Variants in DIAPH3 observed in about 807,000 individuals in gnomAD.
DIAPH3 encodes diaphanous related formin 3, also known as protein diaphanous homolog 3.
A neutral mutation model predicts 144.3 loss-of-function variants in DIAPH3; 117 were observed. The ratio of observed to expected loss-of-function variants is 0.81; its 90% CI spans 0.70 to 0.95. DIAPH3 has a LOEUF of 0.95. Ranked by LOEUF, DIAPH3 falls within the 40% of genes least tolerant of loss-of-function variation. The probability of loss-of-function intolerance (pLI) is 0.00; values close to 1 mark genes in which losing one functional copy is unlikely to be tolerated. For missense variants in DIAPH3, 1,421 were observed against 1,412.7 expected (o/e 1.01, Z -0.09); for synonymous variants, 519 against 488.9 (o/e 1.06, Z -0.81).
chr13:60,051,960 G>T (rs1468996087), intron 4 of DIAPH3, among the ~76,000 whole-genome samples: 1 of 152,138 alleles, frequency 6.6e-6, no homozygotes, highest in Non-Finnish European at 1.5e-5. Flanking sequence ...CACTGTTAAG[G>T]GCTTGCTTAT....
chr13:59,694,853 G>A (rs545600578), intron 27 of DIAPH3, among the ~76,000 whole-genome samples: 18 of 152,136 alleles, frequency 1.2e-4, no homozygotes, highest in Middle Eastern at 3.2e-3. Flanking sequence ...GTTCAAAAGA[G>A]TGCTGCCAAA....
At chr13:59,971,686 G>C (rs576682847) in intron 15 of DIAPH3, among the ~76,000 whole-genome samples, 1 of 152,304 alleles carries the variant, frequency 6.6e-6, no homozygotes, top group Admixed American at 6.5e-5. Context: ...TAATGCACTT[G>C]AGAAAACAAC....
chr13:59,837,339 G>A (rs2042090417), intron 23 of DIAPH3, among the ~76,000 whole-genome samples: 1 of 151,856 alleles, frequency 6.6e-6, no homozygotes, highest in African/African-American at 2.4e-5. Flanking sequence ...TTTATGAGCC[G>A]CATACCTTTC....
chr13:59,990,845 T>C (rs896389083), intron 12 of DIAPH3, among the ~76,000 whole-genome samples: 1 of 151,948 alleles, frequency 6.6e-6, no homozygotes, highest in Admixed American at 6.6e-5. Context: ...CTTATCAACA[T>C]CATTCCTACT....
chr13:59,670,646 G>A (rs189994770), intron 27 of DIAPH3, among the ~76,000 whole-genome samples: 464 of 150,402 alleles, frequency 3.1e-3, no homozygotes, highest in African/African-American at 0.011. Context: ...GCAGTGGCGG[G>A]ATCTCGGCTC....
intron 4 of DIAPH3, among the ~76,000 whole-genome samples, chr13:60,067,509 G>C (rs2057017064): frequency 6.6e-6 from 1 of 152,078 alleles, no homozygotes; most frequent in Admixed American, 6.6e-5. Flanking sequence ...GCTAGGATGA[G>C]GAGATACAAT....
intron 22 of DIAPH3, among the ~76,000 whole-genome samples, chr13:59,847,877 C>T (rs1188402535): frequency 1.3e-5 from 2 of 152,134 alleles, no homozygotes; most frequent in Non-Finnish European, 2.9e-5. Flanking sequence ...ACTCCAATGG[C>T]CTATTTGGAC....
At chr13:60,058,301 A>T (rs1485164364) in intron 4 of DIAPH3, among the ~76,000 whole-genome samples, 1 of 151,952 alleles carries the variant, frequency 6.6e-6, no homozygotes, top group Non-Finnish European at 1.5e-5. Flanking sequence ...ATTGCTCATC[A>T]CCAATCATCA....
chr13:59,711,002 G>A (rs1433057421), intron 27 of DIAPH3, among the ~76,000 whole-genome samples: 1 of 152,264 alleles, frequency 6.6e-6, no homozygotes, highest in African/African-American at 2.4e-5. Context: ...CAAGAAGCGA[G>A]GCTTTACCTT....
rs367616151 is a variant in DIAPH3 at position 59,754,664 on chromosome 13, T to C, written c.3319+19525A>G. Among the ~76,000 whole-genome samples the C allele has an allele frequency of 9.2e-5, 14 of 152,280 alleles. No individual in the cohort carries two copies. The East Asian group carries it at 2.7e-3, about 29-fold the overall frequency. ...AAAAATAAGCTCTAGTTTGTAAAAA[T>C]GGAAGGTTCCACATTAGCTTAATTA... is the stretch of plus-strand genomic sequence containing the variant. On this transcript the variant is annotated intron_variant, in intron 27 of 27. Transcript: ENST00000400324.
chr13:59,845,047 TC>T (rs11292086), intron 22 of DIAPH3, among the ~76,000 whole-genome samples: 118,241 of 151,000 alleles, frequency 0.78, 46,424 homozygotes, highest in East Asian at 0.88. Context: ...TTTTCCTTTT[TC>T]CTTTTTTTTC....
chr13:59,931,914 G>A lies in DIAPH3; in HGVS notation c.2075-7044C>T, dbSNP rs189917307. 3.3e-3 allele frequency among the ~76,000 whole-genome samples: 502 copies of A among 152,208 alleles called. 2 individuals are homozygous for A. Among genetic ancestry groups the A allele is most frequent in the African/African-American group, 0.011 (462 of 41,546 alleles). On this transcript the variant is annotated intron_variant, in intron 17 of 27. Transcript: ENST00000400324. ...ATACAGATGTGGAGAAGAGAAAATG[G>A]GAATGATGATACAGGTATCAATCCT...
chr13:60,040,061 C>T (rs1028379439), intron 5 of DIAPH3, among the ~76,000 whole-genome samples: 2 of 151,562 alleles, frequency 1.3e-5, no homozygotes, highest in Admixed American at 6.6e-5. Context: ...TATGGTGAGG[C>T]CTGTCTCTAC....
chr13:59,697,293 A>G (rs1013854521), intron 27 of DIAPH3, among the ~76,000 whole-genome samples: 2 of 151,452 alleles, frequency 1.3e-5, no homozygotes, highest in African/African-American at 4.9e-5. Context: ...CCCCGTCTCT[A>G]CTAAAAATAC....
intron 8 of DIAPH3, 41 bp downstream of exon 8, chr13:60,010,492 A>C (rs1177428167): frequency 2.0e-6 from 3 of 1,504,422 alleles, no homozygotes; most frequent in Non-Finnish European, 2.7e-6. Flanking sequence ...AATCTGTATT[A>C]AATTATTATA....
intron 21 of DIAPH3, among the ~76,000 whole-genome samples, chr13:59,878,323 T>C (rs1401865055): frequency 6.6e-6 from 1 of 152,106 alleles, no homozygotes; most frequent in Non-Finnish European, 1.5e-5. Context: ...TTGATAGCAA[T>C]GAGAGGCTTA....
At chr13:60,038,517 C>G (rs898618880) in intron 5 of DIAPH3, among the ~76,000 whole-genome samples, 1 of 152,026 alleles carries the variant, frequency 6.6e-6, no homozygotes, top group Non-Finnish European at 1.5e-5. Flanking sequence ...AAAAACGACA[C>G]TTATTAAATG....
chr13:59,722,809 G>T (rs116467605), intron 27 of DIAPH3, among the ~76,000 whole-genome samples: 175 of 152,262 alleles, frequency 1.1e-3, no homozygotes, highest in African/African-American at 4.1e-3. Context: ...AGAGCGGGGA[G>T]CAAATGCCAT....
intron 5 of DIAPH3, among the ~76,000 whole-genome samples, chr13:60,038,125 G>C (rs186672301): frequency 1.9e-3 from 284 of 152,068 alleles, no homozygotes; most frequent in African/African-American, 6.6e-3. Flanking sequence ...AGGGGGAAGG[G>C]GTGTTTAGGA....
Sources: gnomAD v4.1 joint callset for allele counts (sites outside exome capture counted in the v4.1 genomes callset) on GRCh38, gnomAD v4.1.1 for gene constraint, MANE v1.5 for transcripts, NCBI Gene and HGNC (gene_info 2026-07-23, HGNC 2026-07-21) for gene names.